Variants in RHBDD1 observed in about 807,000 individuals in gnomAD.
The protein encoded by RHBDD1 is rhomboid-related protein 4.
Under a neutral mutation model 36.3 loss-of-function variants are expected in RHBDD1, and 38 were observed. The ratio of observed to expected loss-of-function variants is 1.05; its 90% CI spans 0.81 to 1.37. RHBDD1 has a LOEUF of 1.37. Among genes scored for constraint, RHBDD1 ranks in the 40% most tolerant of loss-of-function variants. The probability of loss-of-function intolerance (pLI) is 0.00; values close to 1 mark genes in which losing one functional copy is unlikely to be tolerated. For synonymous variants in RHBDD1, 151 were observed against 136.5 expected, an observed-to-expected ratio of 1.11 and a Z score of -0.74; for missense variants, 393 against 377.6, an observed-to-expected ratio of 1.04 and a Z score of -0.34.
chr2:226,981,949 A>G (rs1162732522), intron 8 of RHBDD1, among the ~76,000 whole-genome samples: 2 of 152,232 alleles, frequency 1.3e-5, no homozygotes, highest in African/African-American at 4.8e-5. Flanking sequence ...CTCATGGTCC[A>G]AGTTATCTAG....
intron 8 of RHBDD1, among the ~76,000 whole-genome samples, chr2:226,973,855 A>G (rs1038631869): frequency 1.2e-4 from 19 of 152,200 alleles, no homozygotes; most frequent in African/African-American, 4.3e-4. Flanking sequence ...GAGTAAGGCT[A>G]CTGTGTGTTA....
chr2:226,920,366 T>C (rs1949223753), intron 8 of RHBDD1, among the ~76,000 whole-genome samples: 2 of 152,204 alleles, frequency 1.3e-5, no homozygotes, highest in African/African-American at 2.4e-5. Context: ...TTCCAATTTG[T>C]ATGCCCTTTA....
chr2:226,834,972 C>T (rs1245712483), upstream of RHBDD1, among the ~76,000 whole-genome samples: 1 of 152,170 alleles, frequency 6.6e-6, no homozygotes, highest in East Asian at 1.9e-4. Flanking sequence ...GACAGGGTTT[C>T]GCCATGTTGG....
At chr2:226,924,919 C>T (rs991243174) in intron 8 of RHBDD1, among the ~76,000 whole-genome samples, 1 of 152,226 alleles carries the variant, frequency 6.6e-6, no homozygotes, top group Admixed American at 6.5e-5. Context: ...CTTCTCCCTT[C>T]AGTGCCTCTT....
intron 8 of RHBDD1, among the ~76,000 whole-genome samples, chr2:226,926,574 T>C (rs1949685825): frequency 6.6e-6 from 1 of 152,174 alleles, no homozygotes; most frequent in African/African-American, 2.4e-5. Flanking sequence ...ACTTGATTAA[T>C]TGGATTTGGG....
chr2:226,995,799 T>A lies in RHBDD1; in HGVS notation c.*277T>A. Reference sequence around the variant, plus strand: ...CACGCTCCCATCTCTCACTGCTGACTCAGCGATGCCTCTGCCTCGGTCTGC... The same window carrying A: ...CACGCTCCCATCTCTCACTGCTGACACAGCGATGCCTCTGCCTCGGTCTGC... On this transcript the variant is annotated 3_prime_UTR_variant, in exon 9 of 9. Transcript: ENST00000392062. 2.3e-6 allele frequency: 1 copy of A among 443,888 alleles called. No homozygotes were observed. Among genetic ancestry groups the A allele is most frequent in the South Asian group, 3.7e-5 (1 of 26,764 alleles). 27.5% of individuals were successfully genotyped at this position (443,888 alleles called of 1,614,324 possible). A position where few individuals can be genotyped will look rare whatever the true frequency, so the allele number is the denominator to read the frequency against.
chr2:226,895,599 G>T (rs1947041155), intron 5 of RHBDD1: 4 of 862,326 alleles, frequency 4.6e-6, no homozygotes, highest in Non-Finnish European at 5.6e-6. Context: ...TTCTTGTCCA[G>T]TTATTTTGTG....
chr2:226,884,935 G>A (rs1235163827), intron 5 of RHBDD1, among the ~76,000 whole-genome samples: 1 of 151,842 alleles, frequency 6.6e-6, no homozygotes, highest in African/African-American at 2.4e-5. Flanking sequence ...GCAAAAATCA[G>A]AAATAAATGA....
chr2:226,830,305 C>T, the RHBDD1 span, among the ~76,000 whole-genome samples: 1 of 152,128 alleles, frequency 6.6e-6, no homozygotes, highest in Non-Finnish European at 1.5e-5. Context: ...CAAGAGGGTG[C>T]TGTCTATGAG....
chr2:226,840,985 A>C (rs975415075), intron 3 of RHBDD1, among the ~76,000 whole-genome samples: 3 of 152,044 alleles, frequency 2.0e-5, no homozygotes, highest in African/African-American at 7.3e-5. Flanking sequence ...TATTGCAATT[A>C]TGTGTGTTGC....
At chr2:226,840,418 T>C (rs1182686368) in intron 3 of RHBDD1, among the ~76,000 whole-genome samples, 1 of 152,160 alleles carries the variant, frequency 6.6e-6, no homozygotes, top group Non-Finnish European at 1.5e-5. Context: ...TACACAGTAA[T>C]AGAATCTAGC....
intron 8 of RHBDD1, among the ~76,000 whole-genome samples, chr2:226,964,650 C>T (rs1952484355): frequency 6.6e-6 from 1 of 152,222 alleles, no homozygotes; most frequent in African/African-American, 2.4e-5. Flanking sequence ...ATCTCAGATG[C>T]ATCATGTACA....
chr2:226,877,341 A>G (rs1250520523), intron 5 of RHBDD1, among the ~76,000 whole-genome samples: 3 of 152,224 alleles, frequency 2.0e-5, no homozygotes, highest in African/African-American at 7.2e-5. Flanking sequence ...ATTATACAGT[A>G]TCAAAGTATC....
intron 8 of RHBDD1, among the ~76,000 whole-genome samples, chr2:226,946,438 GCTA>G (rs1245592132): frequency 5.3e-5 from 8 of 152,042 alleles, no homozygotes; most frequent in African/African-American, 1.9e-4. Flanking sequence ...TGCTGTTTTG[GCTA>G]CTGTAGCCTT....
upstream of RHBDD1, among the ~76,000 whole-genome samples, chr2:226,832,623 A>T (rs1253298159): frequency 1.3e-5 from 2 of 152,218 alleles, no homozygotes; most frequent in Admixed American, 6.5e-5. Context: ...TTTTTGCTTC[A>T]TGAATTTAGG....
chr2:226,962,534 TG>T (rs1309300994), intron 8 of RHBDD1, among the ~76,000 whole-genome samples: 2 of 152,248 alleles, frequency 1.3e-5, no homozygotes, highest in Non-Finnish European at 1.5e-5. Context: ...TATCTGTATA[TG>T]GGCAAAAGGC....
At chr2:226,801,240 G>A in the RHBDD1 span, among the ~76,000 whole-genome samples, 6 of 152,226 alleles carry the variant, frequency 3.9e-5, no homozygotes, top group African/African-American at 1.4e-4. Context: ...TCGGCCCAAT[G>A]CGGCTGAGGG....
intron 8 of RHBDD1, among the ~76,000 whole-genome samples, chr2:226,991,815 A>AC (rs1294735224): frequency 2.0e-5 from 3 of 152,160 alleles, no homozygotes; most frequent in Non-Finnish European, 4.4e-5. Flanking sequence ...CATGGAAAGG[A>AC]CCCTGGAAGT....
chr2:226,966,355 A>G (rs896030516), intron 8 of RHBDD1, among the ~76,000 whole-genome samples: 4 of 152,096 alleles, frequency 2.6e-5, no homozygotes, highest in African/African-American at 9.7e-5. Flanking sequence ...TATAGAAGGG[A>G]TCCTCCTAGG....
Sources: allele counts gnomAD v4.1 joint callset (sites outside exome capture counted in the v4.1 genomes callset), GRCh38; gene constraint gnomAD v4.1.1; transcripts MANE v1.5; gene names NCBI Gene and HGNC (gene_info 2026-07-23, HGNC 2026-07-21).